Variants in SDK2 observed in about 807,000 individuals in gnomAD.
SDK2 encodes protein sidekick-2.
Under a neutral mutation model 253.9 loss-of-function variants are expected in SDK2, and 105 were observed. The observed-to-expected ratio is 0.41, with a 90% confidence interval of 0.35 to 0.49. The LOEUF is 0.49. SDK2 is among the 20% of genes least tolerant of loss of function. SDK2 has a pLI of 0.06. For synonymous variants in SDK2, 1,249 were observed against 1,234.9 expected, an observed-to-expected ratio of 1.01 and a Z score of -0.24; for missense variants, 2,608 against 3,003.0, an observed-to-expected ratio of 0.87 and a Z score of 3.07.
Position 73,405,504 on chromosome 17 carries a change from A to ATG in SDK2, c.2485-3364_2485-3363insCA, listed in dbSNP as rs1369464278. Among the ~76,000 whole-genome samples, 2 of 88,800 alleles carry ATG rather than the reference A, an allele frequency of 2.3e-5. 1 individual carries two copies. The highest frequency in any genetic ancestry group is 4.6e-5 in the Non-Finnish European group (2 of 43,826). 58.3% of individuals were successfully genotyped at this position (88,800 alleles called of 152,430 possible). A position where few individuals can be genotyped will look rare whatever the true frequency, so the allele number is the denominator to read the frequency against. ...TATATATATATATATATATATATAT[A>ATG]TATATATATATATAAAGATCGAGAA... is the stretch of plus-strand genomic sequence containing the variant. On this transcript the variant is annotated intron_variant, in intron 18 of 44. Transcript: ENST00000392650.
At chr17:73,456,508 G>T (rs767914897) in intron 3 of SDK2, among the ~76,000 whole-genome samples, 2 of 152,138 alleles carry the variant, frequency 1.3e-5, no homozygotes, top group Admixed American at 1.3e-4. Context: ...CCTGTGTGAG[G>T]TGAAGGGCAG....
intron 2 of SDK2, among the ~76,000 whole-genome samples, chr17:73,490,013 G>A (rs956591073): frequency 5.3e-5 from 8 of 152,136 alleles, no homozygotes; most frequent in African/African-American, 1.9e-4. Context: ...AACCTGCCAC[G>A]TGGCCCTGGT....
intron 1 of SDK2, among the ~76,000 whole-genome samples, chr17:73,550,657 T>C (rs1011452610): frequency 3.9e-5 from 6 of 151,928 alleles, no homozygotes; most frequent in Admixed American, 3.3e-4. Context: ...TGGCATGGAG[T>C]CAGAGTCCAC....
At chr17:73,399,907 A>G (rs763322477) in intron 21 of SDK2, among the ~76,000 whole-genome samples, 1 of 152,170 alleles carries the variant, frequency 6.6e-6, no homozygotes, top group Non-Finnish European at 1.5e-5. Context: ...CTGTGCCTCC[A>G]TGTCCTCCTT....
chr17:73,548,666 C>T (rs2045005962), intron 1 of SDK2, among the ~76,000 whole-genome samples: 1 of 152,240 alleles, frequency 6.6e-6, no homozygotes, highest in African/African-American at 2.4e-5. Context: ...CCAGGAGGCC[C>T]TGGATAGCCT....
At chr17:73,632,878 G>A (rs2046286757) in intron 1 of SDK2, among the ~76,000 whole-genome samples, 1 of 152,096 alleles carries the variant, frequency 6.6e-6, no homozygotes, top group African/African-American at 2.4e-5. Context: ...GAAGCCATGG[G>A]GACGACAAGC....
chr17:73,383,311 G>C lies in SDK2; in HGVS notation c.4705+565C>G, dbSNP rs563253414. Among the ~76,000 whole-genome samples, 1 of 152,320 alleles carries C rather than the reference G, an allele frequency of 6.6e-6. No individual in the cohort carries two copies. The highest frequency in any genetic ancestry group is 2.1e-4 in the South Asian group (1 of 4,828). The stretch of plus-strand genomic sequence containing the variant: ...GGTCTTCTGGGCATCGGCTCTCCCT[G>C]ACATTTCCACCTGGGCTCCCCTCTT... On this transcript the variant is annotated intron_variant, in intron 33 of 44. Transcript: ENST00000392650. This position sits in a 1 kb window ranked among gnomAD's most constrained non-coding sequence, Gnocchi z 4.3.
chr17:73,388,345 C>T (rs1171434097), intron 29 of SDK2, among the ~76,000 whole-genome samples: 3 of 152,192 alleles, frequency 2.0e-5, no homozygotes, highest in South Asian at 2.1e-4. Flanking sequence ...TCCTTTGCTC[C>T]TGCCTGAAAC....
chr17:73,495,761 G>C (rs977835087), intron 2 of SDK2, among the ~76,000 whole-genome samples: 1 of 152,020 alleles, frequency 6.6e-6, no homozygotes, highest in African/African-American at 2.4e-5. Flanking sequence ...GTCGGGAGAA[G>C]GACAGCCTGC....
chr17:73,464,820 G>C (rs2063586489), intron 3 of SDK2, among the ~76,000 whole-genome samples: 1 of 152,126 alleles, frequency 6.6e-6, no homozygotes, highest in African/African-American at 2.4e-5. Context: ...CTCTCGCCCA[G>C]CTTCATCTCT....
chr17:73,438,118 G>C lies in SDK2; in HGVS notation c.762C>G (p.Asp254Glu), dbSNP rs1379284310. ...LIKLHIIWKK[D>E]GVLLSGGISD... ...TGATGCCGCCCGACAGCAATACCCC[G>C]TCCTTCTTCCAAATGATATGTAGCT... is the stretch of plus-strand genomic sequence containing the variant. Residue 254 changes from aspartate to glutamate, a missense_variant, in exon 7 of 45, where the codon GAC becomes GAG. Coordinates refer to ENST00000392650, the MANE Select transcript of SDK2 (RefSeq NM_001144952.2). 2.6e-6 allele frequency: 4 copies of C among 1,551,524 alleles called. No individual in the cohort carries two copies. The highest frequency in any genetic ancestry group is 3.5e-6 in the Non-Finnish European group (4 of 1,146,982).
chr17:73,373,752 G>A (rs1427045097), intron 36 of SDK2, among the ~76,000 whole-genome samples: 4 of 152,134 alleles, frequency 2.6e-5, no homozygotes, highest in Admixed American at 6.6e-5. Context: ...CACCTCCTGG[G>A]TTCAAGCGAT....
intron 40 of SDK2, chr17:73,357,581 C>T (rs188895150): frequency 7.0e-5 from 18 of 258,640 alleles, no homozygotes; most frequent in Non-Finnish European, 6.7e-5. Flanking sequence ...AGCCCCCCGA[C>T]TGACTTATCT....
intron 1 of SDK2, among the ~76,000 whole-genome samples, chr17:73,584,740 G>T (rs2045582257): frequency 6.6e-6 from 1 of 152,180 alleles, no homozygotes; most frequent in African/African-American, 2.4e-5. Context: ...CAAATGGGAG[G>T]GTCAGGCTCC....
chr17:73,608,365 G>A (rs941649359), intron 1 of SDK2, among the ~76,000 whole-genome samples: 3 of 152,066 alleles, frequency 2.0e-5, no homozygotes, highest in East Asian at 3.9e-4. Flanking sequence ...AACATGCCTC[G>A]TCGCTGACTA....
At chr17:73,418,020 T>TG (rs1555765784) in intron 16 of SDK2, among the ~76,000 whole-genome samples, 175 of 148,616 alleles carry the variant, frequency 1.2e-3, no homozygotes, top group African/African-American at 4.3e-3. Context: ...GTTTTTTTTT[T>TG]TTTTTTTTGT....
At chr17:73,410,181 G>A (rs2063114217) in intron 18 of SDK2, among the ~76,000 whole-genome samples, 1 of 152,202 alleles carries the variant, frequency 6.6e-6, no homozygotes, top group Non-Finnish European at 1.5e-5. Flanking sequence ...GTAAGGAAAA[G>A]TGAAGGCTCT....
chr17:73,497,874 G>T (rs530219403), intron 2 of SDK2, among the ~76,000 whole-genome samples: 1 of 152,102 alleles, frequency 6.6e-6, no homozygotes, highest in Non-Finnish European at 1.5e-5. Context: ...ACTTGATCTC[G>T]CCCCAGTGTC....
intron 1 of SDK2, among the ~76,000 whole-genome samples, chr17:73,600,974 C>T (rs2045829884): frequency 1.3e-5 from 2 of 151,984 alleles, no homozygotes; most frequent in African/African-American, 4.8e-5. Flanking sequence ...GCCTCAGGGC[C>T]TTTGGTGCCT....
Sources: gnomAD v4.1 joint callset for allele counts (sites outside exome capture counted in the v4.1 genomes callset) on GRCh38, gnomAD v4.1.1 for gene constraint, Gnocchi (gnomAD v3.1) non-coding constraint, MANE v1.5 for transcripts, NCBI Gene and HGNC (gene_info 2026-07-23, HGNC 2026-07-21) for gene names.